Variants in WDR27 observed in about 807,000 individuals in gnomAD.
WDR27 encodes the protein WD repeat domain 27, also known as WD repeat-containing protein 27.
A neutral mutation model predicts 114.4 loss-of-function variants in WDR27; 100 were observed. The ratio of observed to expected loss-of-function variants is 0.87; its 90% CI spans 0.74 to 1.03. The LOEUF is 1.03. WDR27 is among the 50% of genes least tolerant of loss of function. The pLI, the probability that WDR27 is intolerant of heterozygous loss-of-function variation, is 0.00. For synonymous variants in WDR27, 449 were observed against 423.1 expected (o/e 1.06, Z -0.75); for missense variants, 1,129 against 1,092.9 (o/e 1.03, Z -0.47).
intron 21 of WDR27, among the ~76,000 whole-genome samples, chr6:169,631,853 A>G (rs1816481868): frequency 6.6e-6 from 1 of 152,128 alleles, no homozygotes; most frequent in African/African-American, 2.4e-5. Context: ...CTTTATAGAT[A>G]ATCAGACCAT....
intron 21 of WDR27, among the ~76,000 whole-genome samples, chr6:169,628,181 T>A (rs948732146): frequency 1.3e-5 from 2 of 151,890 alleles, no homozygotes; most frequent in Non-Finnish European, 2.9e-5. Flanking sequence ...TGTATTTCCA[T>A]CCACCACTTG....
At chr6:169,692,069 C>A in intron 1 of WDR27, among the ~76,000 whole-genome samples, 1 of 123,268 alleles carries the variant, frequency 8.1e-6, no homozygotes, top group African/African-American at 3.4e-5. Flanking sequence ...GGGAAAACTG[C>A]CTCCAAACAC....
intron 25 of WDR27, among the ~76,000 whole-genome samples, chr6:169,526,838 G>C (rs1357611966): frequency 2.6e-5 from 4 of 152,052 alleles, no homozygotes; most frequent in Admixed American, 2.6e-4. Context: ...ATTTTAAAAT[G>C]GGCAAATAAT....
chr6:169,431,758 C>T, the WDR27 span, among the ~76,000 whole-genome samples: 2 of 152,170 alleles, frequency 1.3e-5, no homozygotes, highest in Non-Finnish European at 2.9e-5. Context: ...ATAGTACCTC[C>T]GTCCTGGGAC....
intron 25 of WDR27, among the ~76,000 whole-genome samples, chr6:169,540,721 C>T (rs1034311882): frequency 2.6e-5 from 4 of 152,096 alleles, no homozygotes; most frequent in African/African-American, 7.2e-5. Flanking sequence ...TGAGACACCG[C>T]GCCTGGCCTG....
chr6:169,437,186 G>A, the WDR27 span, among the ~76,000 whole-genome samples: 3 of 152,172 alleles, frequency 2.0e-5, no homozygotes, highest in African/African-American at 7.2e-5. Flanking sequence ...AAATCATGGA[G>A]AGTTTATGAA....
At chr6:169,577,183 G>A (rs1373222653) in intron 24 of WDR27, among the ~76,000 whole-genome samples, 1 of 152,194 alleles carries the variant, frequency 6.6e-6, no homozygotes, top group African/African-American at 2.4e-5. Context: ...CAACTCGCCG[G>A]CTCAGTCCAC....
the WDR27 span, among the ~76,000 whole-genome samples, chr6:169,434,276 G>C: frequency 3.3e-5 from 5 of 152,284 alleles, no homozygotes; most frequent in East Asian, 9.6e-4. Context: ...AAGGTGTAAG[G>C]AAGGGGTTCA....
intron 25 of WDR27, among the ~76,000 whole-genome samples, chr6:169,467,023 G>A (rs1036887840): frequency 6.6e-6 from 1 of 152,102 alleles, no homozygotes; most frequent in Non-Finnish European, 1.5e-5. Flanking sequence ...CAAAACAAAG[G>A]GGCTACAGGT....
chr6:169,641,975 A>G (rs781060046), intron 17 of WDR27, among the ~76,000 whole-genome samples: 4 of 152,204 alleles, frequency 2.6e-5, no homozygotes, highest in Non-Finnish European at 4.4e-5. Context: ...ACTAGACACA[A>G]TTTTTGATAG....
At chr6:169,464,523 T>C (rs530624388) in intron 25 of WDR27, among the ~76,000 whole-genome samples, 1 of 152,118 alleles carries the variant, frequency 6.6e-6, no homozygotes, top group East Asian at 1.9e-4. Context: ...AGAGAAAAAA[T>C]AGACAAGTGG....
intron 25 of WDR27, among the ~76,000 whole-genome samples, chr6:169,529,905 A>G (rs774569278): frequency 1.3e-5 from 2 of 152,246 alleles, no homozygotes; most frequent in Non-Finnish European, 2.9e-5. Context: ...TGCCATAACT[A>G]GAAATAATAG....
chr6:169,501,819 G>A (rs1437973655), intron 25 of WDR27, among the ~76,000 whole-genome samples: 4 of 152,190 alleles, frequency 2.6e-5, no homozygotes. Context: ...GGAGACGGGC[G>A]CGCCCCTCCC....
At chr6:169,557,762 AT>A (rs1291266934) in intron 25 of WDR27, among the ~76,000 whole-genome samples, 3 of 152,032 alleles carry the variant, frequency 2.0e-5, no homozygotes, top group Admixed American at 6.6e-5. Context: ...TGTCTCTAAC[AT>A]TTTTTTCAAT....
intron 25 of WDR27, among the ~76,000 whole-genome samples, chr6:169,464,305 T>C (rs1785269586): frequency 6.6e-6 from 1 of 152,160 alleles, no homozygotes; most frequent in Non-Finnish European, 1.5e-5. Flanking sequence ...TTACAACAAA[T>C]GGTGCTTGGA....
Position 169,665,526 on chromosome 6 carries a change from G to GC in WDR27, c.742dup (p.Ala248GlyfsTer12), listed in dbSNP as rs1585026585. ...CCCGGTGACCAGCTGCCTGCTTTCTGCATCAATGAATAAACTGAGAAGAGG... is the reference window on the plus strand; with the variant it reads ...CCCGGTGACCAGCTGCCTGCTTTCTGCCATCAATGAATAAACTGAGAAGAGG... On this transcript the variant is annotated frameshift_variant, in exon 7 of 26. Transcript: ENST00000448612. LOFTEE classifies it high-confidence loss of function. 5 of 1,613,714 alleles carry GC rather than the reference G, an allele frequency of 3.1e-6. No homozygotes were observed. Among genetic ancestry groups the GC allele is most frequent in the Middle Eastern group, 1.6e-4 (1 of 6,062 alleles).
chr6:169,626,273 T>C (rs2128206862), intron 21 of WDR27, among the ~76,000 whole-genome samples: 1 of 152,146 alleles, frequency 6.6e-6, no homozygotes, highest in South Asian at 2.1e-4. Context: ...GGTGTGGGTG[T>C]CGCCTTCCTG....
chr6:169,660,874 T>C (rs4716373), intron 9 of WDR27, 108 bp from the exon 10 acceptor site: 36,757 of 651,848 alleles, frequency 0.056, 1,729 homozygotes, highest in African/African-American at 0.2. Context: ...GAGTGGGGAG[T>C]GTGGGCGTTG....
At chr6:169,496,647 A>C (rs1790446978) in intron 25 of WDR27, among the ~76,000 whole-genome samples, 1 of 152,080 alleles carries the variant, frequency 6.6e-6, no homozygotes, top group Non-Finnish European at 1.5e-5. Flanking sequence ...TATACCAACC[A>C]TCACCACTAT....
Sources: allele counts gnomAD v4.1 joint callset (sites outside exome capture counted in the v4.1 genomes callset), GRCh38; gene constraint gnomAD v4.1.1; transcripts MANE v1.5; gene names NCBI Gene and HGNC (gene_info 2026-07-23, HGNC 2026-07-21).